The following HEATR3 variants were observed in gnomAD, a reference collection of about 807,000 sequenced individuals.
The protein encoded by HEATR3 is HEAT repeat containing 3, also known as HEAT repeat-containing protein 3.
In HEATR3, 56 loss-of-function variants were observed where a neutral mutation model predicts 72.8. The observed-to-expected ratio is 0.77, with a 90% confidence interval of 0.62 to 0.96. The LOEUF (loss-of-function observed/expected upper bound fraction) is 0.96, where lower values mean the gene tolerates loss of function less well. Ranked by LOEUF, HEATR3 falls within the 40% of genes least tolerant of loss-of-function variation. HEATR3 has a pLI of 0.00. For synonymous variants in HEATR3, 331 were observed against 318.1 expected (o/e 1.04, Z -0.43); for missense variants, 747 against 831.4 (o/e 0.90, Z 1.25).
chr16:50,104,653 G>T (rs542865532), intron 14 of HEATR3, among the ~76,000 whole-genome samples: 5 of 152,100 alleles, frequency 3.3e-5, no homozygotes, highest in Admixed American at 1.3e-4. Flanking sequence ...GAGGTTAGGG[G>T]TTATTTTCCC....
intron 4 of HEATR3, among the ~76,000 whole-genome samples, chr16:50,071,007 C>G: frequency 6.6e-6 from 1 of 152,132 alleles, no homozygotes; most frequent in South Asian, 2.1e-4. Context: ...GCTTTTCTTT[C>G]TCTTTCCTGG....
chr16:50,066,710 C>A, intron 2 of HEATR3, 171 bp downstream of exon 2: 2 of 554,036 alleles, frequency 3.6e-6, no homozygotes, highest in Non-Finnish European at 5.4e-6. Context: ...GCCCAGTATC[C>A]CCGCATCTCA....
At chr16:50,076,800 A>G (rs2036740224) in intron 6 of HEATR3, among the ~76,000 whole-genome samples, 1 of 151,468 alleles carries the variant, frequency 6.6e-6, no homozygotes, top group Non-Finnish European at 1.5e-5. Context: ...CCTGAGTTCA[A>G]GCGATCCTCC....
At chr16:50,092,458 G>A (rs528806694) in intron 11 of HEATR3, among the ~76,000 whole-genome samples, 16 of 12,864 alleles carry the variant, frequency 1.2e-3, no homozygotes, top group African/African-American at 3.7e-3. Flanking sequence ...TTTTTCCTGA[G>A]ACGAGTCTGG....
At position 50,072,902 on chromosome 16, in the gene HEATR3, G is replaced by A; in HGVS notation, c.622+188G>A. 3.9e-6 allele frequency: 2 copies of A among 516,594 alleles called. 1 individual carries two copies. Among genetic ancestry groups the A allele is most frequent in the South Asian group, 4.8e-5 (2 of 41,314 alleles). The allele number at this position is 516,594 out of a possible 1,614,324, so 32.0% of individuals were successfully genotyped here. A position where few individuals can be genotyped will look rare whatever the true frequency, so the allele number is the denominator to read the frequency against. Reference sequence around the variant, plus strand: ...TATTAATTCTTTACCTACTCATTCAGTTTTTCTGCTTTTGACTCTGAAAGG... The same window carrying A: ...TATTAATTCTTTACCTACTCATTCAATTTTTCTGCTTTTGACTCTGAAAGG... On this transcript the variant is annotated intron_variant, in intron 5 of 14. Coordinates refer to ENST00000299192, the MANE Select transcript of HEATR3 (RefSeq NM_182922.4).
intron 12 of HEATR3, among the ~76,000 whole-genome samples, chr16:50,099,459 T>G (rs1343264146): frequency 6.6e-6 from 1 of 152,140 alleles, no homozygotes; most frequent in African/African-American, 2.4e-5. Flanking sequence ...AAAAATACAT[T>G]AGTCTAGTGT....
intron 12 of HEATR3, among the ~76,000 whole-genome samples, chr16:50,098,658 A>AAAT (rs990900959): frequency 1.3e-5 from 2 of 151,872 alleles, no homozygotes; most frequent in African/African-American, 2.4e-5. Context: ...TCCGTTTCAA[A>AAAT]AATAATAATA....
intron 12 of HEATR3, among the ~76,000 whole-genome samples, chr16:50,097,826 A>G (rs1237330834): frequency 2.0e-5 from 3 of 151,750 alleles, no homozygotes; most frequent in African/African-American, 7.3e-5. Flanking sequence ...GAGGCAGGAG[A>G]ATCGCTTGAA....
intron 4 of HEATR3, among the ~76,000 whole-genome samples, chr16:50,070,768 C>T (rs888490896): frequency 1.2e-4 from 18 of 152,070 alleles, no homozygotes; most frequent in African/African-American, 1.7e-4. Context: ...CTTCCCAGTC[C>T]GTTTTCTTAC....
chr16:50,066,769 C>T, intron 2 of HEATR3: 1 of 403,214 alleles, frequency 2.5e-6, no homozygotes, highest in Non-Finnish European at 4.3e-6. Flanking sequence ...CTCAGGCGTC[C>T]TGCCCTCACG....
At chr16:50,102,870 C>A (rs1013054564) in intron 14 of HEATR3, among the ~76,000 whole-genome samples, 4 of 152,116 alleles carry the variant, frequency 2.6e-5, no homozygotes, top group Admixed American at 1.3e-4. Flanking sequence ...TCAAGTGATT[C>A]TTGTGCCTCA....
At chr16:50,080,148 A>G (rs895319360) in intron 7 of HEATR3, 3 of 152,208 alleles carry the variant, frequency 2.0e-5, no homozygotes, top group East Asian at 1.9e-4. Context: ...GAAGGAGGCA[A>G]TCATGTCCTC....
At chr16:50,099,340 C>G (rs1254128828) in intron 12 of HEATR3, among the ~76,000 whole-genome samples, 3 of 152,144 alleles carry the variant, frequency 2.0e-5, no homozygotes, top group East Asian at 1.9e-4. Flanking sequence ...TGCAGTGGCT[C>G]ATACTAATAA....
Position 50,078,917 on chromosome 16 carries a change from G to A in HEATR3, c.940G>A (p.Glu314Lys). Reference sequence around the variant, plus strand: ...TGCTGCAGAGGCTGAGGAAATATTAGAGAACACTAATGGGGATGATTTGAT... The same window carrying A: ...TGCTGCAGAGGCTGAGGAAATATTAAAGAACACTAATGGGGATGATTTGAT... ...KTAAEAEEIL[E>K]NTNGDDLIED... Residue 314 changes from glutamate (E) to lysine (K), a missense_variant, in exon 7 of 15, where the codon GAG becomes AAG. Physicochemically the swap from Glu to Lys is moderately conservative, Grantham distance 56 (BLOSUM62 1). This residue lies in a region of HEATR3 where 586 missense variants were observed against 708.8 expected (regional missense o/e 0.83). Transcript: ENST00000299192. 2 of 1,614,102 alleles carry A rather than the reference G, an allele frequency of 1.2e-6. No individual in the cohort carries two copies. Among genetic ancestry groups the A allele is most frequent in the Non-Finnish European group, 1.7e-6 (2 of 1,180,006 alleles).
At chr16:50,077,477 C>T (rs2036762044) in intron 6 of HEATR3, among the ~76,000 whole-genome samples, 1 of 152,154 alleles carries the variant, frequency 6.6e-6, no homozygotes, top group Non-Finnish European at 1.5e-5. Flanking sequence ...TAAATGTATA[C>T]TTTAGTGGTG....
intron 5 of HEATR3, 90 bp from the exon 6 acceptor site, chr16:50,075,481 T>A: frequency 8.3e-7 from 1 of 1,209,190 alleles, no homozygotes; most frequent in East Asian, 2.4e-5. Context: ...GAAGTGGTAA[T>A]GATACAATGT....
At chr16:50,069,084 T>C (rs2036558118) in intron 3 of HEATR3, among the ~76,000 whole-genome samples, 1 of 152,228 alleles carries the variant, frequency 6.6e-6, no homozygotes. Context: ...TTCCTAAAAT[T>C]GTACAGACTC....
rs1036508040 is a variant in HEATR3 at position 50,066,200 on chromosome 16, G to A, written c.69G>A (p.Glu23=). 6.3e-7 allele frequency: 1 copy of A among 1,580,690 alleles called. No homozygotes were observed. Among genetic ancestry groups the A allele is most frequent in the Non-Finnish European group, 8.6e-7 (1 of 1,164,782 alleles). Residue 23 remains glutamate (E), a synonymous_variant, in exon 1 of 15, where the codon GAG becomes GAA. Coordinates refer to ENST00000299192, the MANE Select transcript of HEATR3 (RefSeq NM_182922.4). ...QFSPTGDCQA[E]AAAAANGTGG... ...CCCCTACGGGCGACTGTCAGGCCGAGGCGGCTGCGGCGGCGAATGGGACCG... is the reference window on the plus strand; with the variant it reads ...CCCCTACGGGCGACTGTCAGGCCGAAGCGGCTGCGGCGGCGAATGGGACCG...
chr16:50,099,133 C>CA, intron 12 of HEATR3, among the ~76,000 whole-genome samples: 1 of 152,256 alleles, frequency 6.6e-6, no homozygotes, highest in African/African-American at 2.4e-5. Context: ...ATTTGACCCT[C>CA]AGTTTCTAAG....
Sources: allele counts gnomAD v4.1 joint callset (sites outside exome capture counted in the v4.1 genomes callset), GRCh38; gene constraint gnomAD v4.1.1; regional missense constraint gnomAD v4.1.1; transcripts MANE v1.5; gene names NCBI Gene and HGNC (gene_info 2026-07-23, HGNC 2026-07-21).